SV2C: variants seen among roughly 807,000 people sequenced by gnomAD.
SV2C encodes solute carrier family 22 member B3.
Under a neutral mutation model 79.7 loss-of-function variants are expected in SV2C, and 49 were observed. That is an observed-to-expected ratio of 0.61 (90% CI 0.49 to 0.78). The LOEUF (loss-of-function observed/expected upper bound fraction) is 0.78, where lower values mean the gene tolerates loss of function less well. Ranked by LOEUF, SV2C falls within the 30% of genes least tolerant of loss-of-function variation. The pLI, the probability that SV2C is intolerant of heterozygous loss-of-function variation, is 0.00. For missense variants in SV2C, 833 were observed against 912.9 expected (o/e 0.91, Z 1.13); for synonymous variants, 334 against 333.2 (o/e 1.00, Z -0.03).
chr5:76,013,182 TA>T, the SV2C span, among the ~76,000 whole-genome samples: 1 of 152,224 alleles, frequency 6.6e-6, no homozygotes, highest in Non-Finnish European at 1.5e-5. Context: ...ATTGAATCTA[TA>T]AATTACTTTA....
At chr5:76,277,063 C>T (rs1747045101) in intron 4 of SV2C, among the ~76,000 whole-genome samples, 1 of 152,102 alleles carries the variant, frequency 6.6e-6, no homozygotes, top group African/African-American at 2.4e-5. Context: ...CACTAGATAC[C>T]TATAAGAAAG....
chr5:75,858,042 T>C, the SV2C span, among the ~76,000 whole-genome samples: 1 of 152,340 alleles, frequency 6.6e-6, no homozygotes, highest in South Asian at 2.1e-4. Context: ...GATCGAATCA[T>C]CTGCAAACAA....
At chr5:76,125,698 A>G (rs1170313930) in intron 1 of SV2C, among the ~76,000 whole-genome samples, 1 of 152,188 alleles carries the variant, frequency 6.6e-6, no homozygotes, top group Non-Finnish European at 1.5e-5. Flanking sequence ...ACTGATCCAG[A>G]CAACTGCCTG....
intron 12 of SV2C, among the ~76,000 whole-genome samples, chr5:76,343,355 A>G (rs1220610934): frequency 1.3e-5 from 2 of 152,252 alleles, no homozygotes; most frequent in African/African-American, 2.4e-5. Context: ...GAATTCCTAC[A>G]AATCAATACA....
At chr5:75,876,099 A>G in the SV2C span, among the ~76,000 whole-genome samples, 1 of 152,162 alleles carries the variant, frequency 6.6e-6, no homozygotes, top group Non-Finnish European at 1.5e-5. Flanking sequence ...AAATCATTCT[A>G]CTATAAAGAC....
chr5:76,345,316 T>C (rs1749518838), intron 12 of SV2C, among the ~76,000 whole-genome samples: 1 of 152,326 alleles, frequency 6.6e-6, no homozygotes, highest in East Asian at 1.9e-4. Context: ...AATAATATTA[T>C]TGATCAGTCG....
intron 2 of SV2C, among the ~76,000 whole-genome samples, chr5:76,134,442 A>G (rs561446255): frequency 6.6e-6 from 1 of 152,356 alleles, no homozygotes; most frequent in South Asian, 2.1e-4. Context: ...TAATATAATT[A>G]CCACACTAAG....
At chr5:76,056,677 A>G in the SV2C span, among the ~76,000 whole-genome samples, 10 of 135,532 alleles carry the variant, frequency 7.4e-5, no homozygotes, top group African/African-American at 2.6e-4. Context: ...TACTACCTCA[A>G]TTTCAGAACT....
chr5:76,194,806 A>G, intron 2 of SV2C, 113 bp from the exon 3 acceptor site: 1 of 1,297,904 alleles, frequency 7.7e-7, no homozygotes, highest in South Asian at 1.4e-5. Flanking sequence ...TTTTTAAAGG[A>G]AATTTTCCTC....
chr5:76,133,874 C>T (rs1370503706), intron 2 of SV2C, among the ~76,000 whole-genome samples: 2 of 152,048 alleles, frequency 1.3e-5, no homozygotes, highest in African/African-American at 2.4e-5. Flanking sequence ...AGGAATATGT[C>T]AGCAGAATGT....
the SV2C span, chr5:75,910,846 G>A: frequency 1.6e-6 from 2 of 1,238,462 alleles, no homozygotes; most frequent in South Asian, 1.2e-5. Flanking sequence ...ACAGGGAAAT[G>A]AGCAAGCTGA....
At chr5:76,141,504 T>G (rs1749248526) in intron 2 of SV2C, among the ~76,000 whole-genome samples, 1 of 152,012 alleles carries the variant, frequency 6.6e-6, no homozygotes, top group Non-Finnish European at 1.5e-5. Flanking sequence ...GGTTGGAGAA[T>G]TTGTTCATGT....
intron 1 of SV2C, among the ~76,000 whole-genome samples, chr5:76,122,032 T>C (rs938615061): frequency 2.6e-5 from 4 of 152,148 alleles, no homozygotes; most frequent in Admixed American, 1.3e-4. Flanking sequence ...TGTTTGTATC[T>C]TCTTTTATTT....
chr5:76,150,603 TTCG>T (rs1211982391), intron 2 of SV2C, among the ~76,000 whole-genome samples: 4 of 151,158 alleles, frequency 2.6e-5, no homozygotes, highest in African/African-American at 9.7e-5. Flanking sequence ...GGCCCAACTA[TTCG>T]TCTGTTTATT....
At chr5:76,254,385 C>T (rs559108721) in intron 4 of SV2C, among the ~76,000 whole-genome samples, 2 of 151,934 alleles carry the variant, frequency 1.3e-5, no homozygotes, top group East Asian at 3.9e-4. Context: ...TTGAGAGTGT[C>T]GGTGGAAGTG....
At chr5:76,037,400 A>G in the SV2C span, among the ~76,000 whole-genome samples, 109 of 152,026 alleles carry the variant, frequency 7.2e-4, 2 homozygotes, top group South Asian at 0.02. Flanking sequence ...GTCTTTGATG[A>G]TGGTGATGTA....
chr5:76,076,890 G>T, the SV2C span, among the ~76,000 whole-genome samples: 1 of 152,186 alleles, frequency 6.6e-6, no homozygotes, highest in African/African-American at 2.4e-5. Flanking sequence ...AGGGTGGGCT[G>T]TGCCTCACTA....
chr5:76,196,668 T>G (rs1344920575), intron 3 of SV2C, among the ~76,000 whole-genome samples: 1 of 152,170 alleles, frequency 6.6e-6, no homozygotes, highest in Non-Finnish European at 1.5e-5. Flanking sequence ...TTTTATTATC[T>G]ATAATAAAAC....
the SV2C span, among the ~76,000 whole-genome samples, chr5:76,056,080 A>G: frequency 7.2e-4 from 109 of 152,202 alleles, no homozygotes; most frequent in Non-Finnish European, 1.2e-3. Flanking sequence ...CTGGTTTTCA[A>G]AGGGAATGCT....
Sources: gnomAD v4.1 joint callset for allele counts (sites outside exome capture counted in the v4.1 genomes callset) on GRCh38, gnomAD v4.1.1 for gene constraint, MANE v1.5 for transcripts, NCBI Gene and HGNC (gene_info 2026-07-23, HGNC 2026-07-21) for gene names.